Variants in E2F3 observed in about 807,000 individuals in gnomAD.
E2F3 encodes the protein transcription factor E2F3.
A neutral mutation model predicts 44.4 loss-of-function variants in E2F3; 11 were observed. The observed-to-expected ratio is 0.25, with a 90% CI of 0.16 to 0.41. E2F3 has a LOEUF of 0.41. E2F3 is among the 10% of genes least tolerant of loss of function. The pLI, the probability that E2F3 is intolerant of heterozygous loss-of-function variation, is 1.00. For synonymous variants in E2F3, 249 were observed against 253.0 expected, an observed-to-expected ratio of 0.98 and a Z score of 0.15; for missense variants, 487 against 583.6, an observed-to-expected ratio of 0.83 and a Z score of 1.70.
chr6:20,442,711 G>A (rs1221953166), intron 1 of E2F3, among the ~76,000 whole-genome samples: 2 of 152,138 alleles, frequency 1.3e-5, no homozygotes, highest in African/African-American at 2.4e-5. Flanking sequence ...GCTCATGCCT[G>A]TAATCCCAGC....
Position 20,479,965 on chromosome 6 carries a change from T to C in E2F3, c.505+8T>C. On this transcript the variant is annotated splice_region_variant and intron_variant, in intron 2 of 6. Coordinates refer to ENST00000346618, the MANE Select transcript of E2F3 (RefSeq NM_001949.5). ...GTCCAGATAGTCCAAAAAGTAAGGATCTTTTCATCTCTTTCCTTATTCTCC... is the reference window on the plus strand; with the variant it reads ...GTCCAGATAGTCCAAAAAGTAAGGACCTTTTCATCTCTTTCCTTATTCTCC... 6.3e-7 allele frequency: 1 copy of C among 1,592,068 alleles called. No individual in the cohort carries two copies. Among genetic ancestry groups the C allele is most frequent in the South Asian group, 1.1e-5 (1 of 87,998 alleles).
At chr6:20,443,293 C>T (rs553460063) in intron 1 of E2F3, among the ~76,000 whole-genome samples, 1 of 151,360 alleles carries the variant, frequency 6.6e-6, no homozygotes, top group South Asian at 2.1e-4. Context: ...ATTCCAACAT[C>T]TAACTTCCCT....
chr6:20,488,369 G>A (rs1252048722), intron 6 of E2F3, 121 bp downstream of exon 6: 4 of 1,179,466 alleles, frequency 3.4e-6, no homozygotes, highest in African/African-American at 1.6e-5. Flanking sequence ...TAGGTAACAT[G>A]TTTTAAAAGA....
chr6:20,425,228 T>G (rs1472950293), intron 1 of E2F3, among the ~76,000 whole-genome samples: 6 of 151,768 alleles, frequency 4.0e-5, no homozygotes, highest in Non-Finnish European at 8.8e-5. Flanking sequence ...ATTTACCCAG[T>G]GCTTTTTTTT....
At chr6:20,470,455 T>C (rs1369087851) in intron 1 of E2F3, among the ~76,000 whole-genome samples, 1 of 152,216 alleles carries the variant, frequency 6.6e-6, no homozygotes. Flanking sequence ...CTAACTTTTC[T>C]TAAAATCCTC....
At chr6:20,410,990 A>T (rs1759652882) in intron 1 of E2F3, among the ~76,000 whole-genome samples, 1 of 152,152 alleles carries the variant, frequency 6.6e-6, no homozygotes, top group Non-Finnish European at 1.5e-5. Context: ...AATGGTGATG[A>T]TGGGAAGGAG....
At position 20,402,474 on chromosome 6, in the gene E2F3, C is replaced by G; in HGVS notation, c.242C>G (p.Ala81Gly). The change falls in exon 1 of 7, where the codon GCC becomes GGC. Residue 81 changes from alanine (A) to glycine (G), a missense_variant. Ala to Gly is a moderately conservative substitution (Grantham distance 60). Around this residue, in one of 3 missense-constraint regions of E2F3, gnomAD observed 238 missense variants for 236.0 expected, o/e 1.01. Transcript: ENST00000346618. This position sits in a 1 kb window ranked among gnomAD's most constrained non-coding sequence, Gnocchi z 5.6. Reference sequence around the variant, plus strand: ...TCCCTCCAAAGCGGCGCCGTAGCCGCCGGCCCCCTCCTCCCCAGTGCCCCC... The same window carrying G: ...TCCCTCCAAAGCGGCGCCGTAGCCGGCGGCCCCCTCCTCCCCAGTGCCCCC... ...SSSLQSGAVA[A>G]GPLLPSAPGA... 3.7e-6 allele frequency: 6 copies of G among 1,609,442 alleles called. No individual in the cohort carries two copies. The highest frequency in any genetic ancestry group is 5.1e-6 in the Non-Finnish European group (6 of 1,179,374).
rs147187257 is a variant in E2F3, at chr6:20,439,278, T to G, written c.393+36653T>G. On this transcript the variant is annotated intron_variant, in intron 1 of 6. Coordinates refer to ENST00000346618, the MANE Select transcript of E2F3 (RefSeq NM_001949.5). ...GCAGGAAAGAACAACTTTGTCAATG[T>G]GAAACAGAATGCAAAATTACTCACA... is the stretch of plus-strand genomic sequence containing the variant. Among the ~76,000 whole-genome samples, 141 of 152,340 alleles carry G rather than the reference T, an allele frequency of 9.3e-4. No homozygotes were observed. The East Asian group carries it at 0.025, about 27-fold the overall frequency.
chr6:20,475,404 T>A (rs569577421), intron 1 of E2F3, among the ~76,000 whole-genome samples: 1 of 152,320 alleles, frequency 6.6e-6, no homozygotes, highest in African/African-American at 2.4e-5. Flanking sequence ...ATAAAACTAG[T>A]ATGCCCCCAG....
chr6:20,444,247 T>A (rs1370555934), intron 1 of E2F3, among the ~76,000 whole-genome samples: 1 of 152,218 alleles, frequency 6.6e-6, no homozygotes, highest in Admixed American at 6.5e-5. Flanking sequence ...GGTTTTTATA[T>A]GTTAGTGTCC....
chr6:20,488,374 AAAAG>A, intron 6 of E2F3, 126 bp downstream of exon 6: 1 of 1,165,042 alleles, frequency 8.6e-7, no homozygotes, highest in Non-Finnish European at 1.2e-6. Flanking sequence ...AACATGTTTT[AAAAG>A]ACATTCTGAC....
chr6:20,446,019 C>T (rs1412012174), intron 1 of E2F3, among the ~76,000 whole-genome samples: 1 of 152,192 alleles, frequency 6.6e-6, no homozygotes, highest in Non-Finnish European at 1.5e-5. Context: ...AGACATGCCA[C>T]TTTGCCTCAT....
At position 20,402,122 on chromosome 6, in the gene E2F3, G is replaced by A. The variant is rs1759322449; in HGVS notation, c.-111G>A. 4 of 1,427,680 alleles carry A rather than the reference G, an allele frequency of 2.8e-6. No homozygotes were observed. Among genetic ancestry groups the A allele is most frequent in the Non-Finnish European group, 3.6e-6 (4 of 1,098,046 alleles). The allele number at this position is 1,427,680 out of a possible 1,614,324, so 88.4% of individuals were successfully genotyped here. ...GAGAGAGAGGGGGCTCGGAAGCGCC[G>A]GGCGGGGAGGAGAGAAGGAGGAGAG... On this transcript the variant is annotated 5_prime_UTR_variant, in exon 1 of 7. Transcript: ENST00000346618. This position sits in a 1 kb window ranked among gnomAD's most constrained non-coding sequence, Gnocchi z 5.6.
At chr6:20,411,205 G>C (rs1178696200) in intron 1 of E2F3, among the ~76,000 whole-genome samples, 1 of 152,192 alleles carries the variant, frequency 6.6e-6, no homozygotes, top group Non-Finnish European at 1.5e-5. Flanking sequence ...TAGCATGAAT[G>C]ACACTATTAA....
rs1262823343 is a variant in E2F3 at position 20,486,670 on chromosome 6, A to G, written c.885-19A>G. 2 of 1,313,452 alleles carry G rather than the reference A, an allele frequency of 1.5e-6. No homozygotes were observed. The highest frequency in any genetic ancestry group is 2.2e-6 in the Non-Finnish European group (2 of 921,348). The allele number at this position is 1,313,452 out of a possible 1,614,324, so 81.4% of individuals were successfully genotyped here. ...TATATCTGAGGTAATTAGATGGAAG[A>G]TTCCTTGACACTCTTTACGTTAGCT... On this transcript the variant is annotated intron_variant, in intron 4 of 6. Transcript: ENST00000346618.
intron 5 of E2F3, 21 bp from the exon 6 acceptor site, chr6:20,488,092 T>G: frequency 5.6e-6 from 9 of 1,610,858 alleles, no homozygotes; most frequent in Non-Finnish European, 7.6e-6. Context: ...TGATTCGAAC[T>G]TCTCCCACTT....
At chr6:20,439,106 A>G (rs1371705782) in intron 1 of E2F3, among the ~76,000 whole-genome samples, 1 of 152,248 alleles carries the variant, frequency 6.6e-6, no homozygotes, top group Non-Finnish European at 1.5e-5. Context: ...GAAACATTCA[A>G]AACTTATCTC....
At chr6:20,487,655 T>C (rs1762432872) in intron 5 of E2F3, among the ~76,000 whole-genome samples, 1 of 152,214 alleles carries the variant, frequency 6.6e-6, no homozygotes, top group African/African-American at 2.4e-5. Flanking sequence ...CCCATTGTGC[T>C]ATTTTCAGAA....
At position 20,402,627 on chromosome 6, in the gene E2F3, T is replaced by C; in HGVS notation, c.393+2T>C. On this transcript the variant is annotated splice_donor_variant, in intron 1 of 6. Coordinates refer to ENST00000346618, the MANE Select transcript of E2F3 (RefSeq NM_001949.5). LOFTEE classifies it high-confidence loss of function. The surrounding 1 kb of genome is among the most constrained non-coding windows in gnomAD (Gnocchi z 5.6). ...AGCGGCGGCGGCGGCGGCCCTCCGG[T>C]AATACCCTCCCTCCCCACCGTCCCC... 7.5e-7 allele frequency: 1 copy of C among 1,332,778 alleles called. No individual in the cohort carries two copies. The highest frequency in any genetic ancestry group is 9.5e-7 in the Non-Finnish European group (1 of 1,050,432). 82.6% of individuals were successfully genotyped at this position (1,332,778 alleles called of 1,614,324 possible). A position where few individuals can be genotyped will look rare whatever the true frequency, so the allele number is the denominator to read the frequency against.
Sources: gnomAD v4.1 joint callset for allele counts (sites outside exome capture counted in the v4.1 genomes callset) on GRCh38, gnomAD v4.1.1 for gene constraint, gnomAD v4.1.1 regional missense constraint, Gnocchi (gnomAD v3.1) non-coding constraint, MANE v1.5 for transcripts, NCBI Gene and HGNC (gene_info 2026-07-23, HGNC 2026-07-21) for gene names.